Variants in TMEM131L observed in about 807,000 individuals in gnomAD.
TMEM131L encodes the protein transmembrane protein 131-like.
TMEM131L carries 54 observed loss-of-function variants against 192.2 expected under a neutral mutation model. That is an observed-to-expected ratio of 0.28 (90% CI 0.23 to 0.35). The LOEUF (loss-of-function observed/expected upper bound fraction) is 0.35, where lower values mean the gene tolerates loss of function less well. TMEM131L is among the 10% of genes least tolerant of loss of function. The pLI, the probability that TMEM131L is intolerant of heterozygous loss-of-function variation, is 1.00. For synonymous variants in TMEM131L, 701 were observed against 704.9 expected (o/e 0.99, Z 0.09); for missense variants, 1,888 against 1,972.9 (o/e 0.96, Z 0.82).
At chr4:153,586,523 T>C (rs1026321525) in intron 14 of TMEM131L, 144 bp downstream of exon 14, 1 of 513,014 alleles carries the variant, frequency 1.9e-6, no homozygotes, top group African/African-American at 2.0e-5. Context: ...CAGGCCAGTC[T>C]TGGATGATAA....
chr4:153,534,679 C>T (rs1009769925), intron 3 of TMEM131L, among the ~76,000 whole-genome samples: 10 of 152,252 alleles, frequency 6.6e-5, no homozygotes, highest in Middle Eastern at 6.8e-3. Flanking sequence ...GTGATACGCC[C>T]GCCTCGGCCT....
intron 3 of TMEM131L, among the ~76,000 whole-genome samples, chr4:153,523,488 A>G (rs189953661): frequency 6.6e-6 from 1 of 152,224 alleles, no homozygotes; most frequent in Non-Finnish European, 1.5e-5. Context: ...GTTTAGGAGG[A>G]AACTAAATCT....
chr4:153,483,420 GGCTGGGTGTGGTGGCTCATGCCTCTA>G (rs372831169), intron 3 of TMEM131L, among the ~76,000 whole-genome samples: 1,570 of 152,236 alleles, frequency 0.01, 24 homozygotes, highest in African/African-American at 0.036. Context: ...AGACTTAGGA[GGCTGGGTGTGGTGGCTCATGCCTCTA>G]GCACTTTGAG....
chr4:153,617,500 TAGTC>T (rs374848660), intron 26 of TMEM131L, among the ~76,000 whole-genome samples: 78 of 152,346 alleles, frequency 5.1e-4, no homozygotes, highest in East Asian at 3.5e-3. Flanking sequence ...TGCAAAATCT[TAGTC>T]AGTGTGATAG....
chr4:153,527,292 T>C (rs151280636), intron 3 of TMEM131L, among the ~76,000 whole-genome samples: 4 of 151,884 alleles, frequency 2.6e-5, no homozygotes, highest in Non-Finnish European at 5.9e-5. Flanking sequence ...GGGGGGGCGG[T>C]GATGAGGTCT....
intron 3 of TMEM131L, among the ~76,000 whole-genome samples, chr4:153,530,251 C>A (rs1157946583): frequency 6.6e-6 from 1 of 152,130 alleles, no homozygotes; most frequent in African/African-American, 2.4e-5. Context: ...TATACTTAAA[C>A]TGATAGTTTA....
At chr4:153,582,971 A>G (rs572463171) in intron 9 of TMEM131L, among the ~76,000 whole-genome samples, 3 of 152,100 alleles carry the variant, frequency 2.0e-5, no homozygotes, top group African/African-American at 7.2e-5. Flanking sequence ...TTAGGTTGGT[A>G]GGCATTTTTA....
intron 3 of TMEM131L, among the ~76,000 whole-genome samples, chr4:153,477,065 A>G (rs1731591950): frequency 6.6e-6 from 1 of 152,132 alleles, no homozygotes; most frequent in African/African-American, 2.4e-5. Flanking sequence ...ATGGAGGGAA[A>G]TGGAACATTT....
intron 7 of TMEM131L, among the ~76,000 whole-genome samples, chr4:153,569,057 C>G (rs1259873653): frequency 6.6e-6 from 1 of 152,308 alleles, no homozygotes; most frequent in South Asian, 2.1e-4. Context: ...CCTTCTCACC[C>G]CTTCCTACAG....
chr4:153,620,393 A>C (rs1733306268), intron 26 of TMEM131L, among the ~76,000 whole-genome samples: 1 of 152,126 alleles, frequency 6.6e-6, no homozygotes, highest in Admixed American at 6.5e-5. Context: ...TTTTTACCTA[A>C]TTTTTCTTCA....
chr4:153,510,657 C>T (rs1734289178), intron 3 of TMEM131L, among the ~76,000 whole-genome samples: 1 of 152,170 alleles, frequency 6.6e-6, no homozygotes, highest in Non-Finnish European at 1.5e-5. Context: ...GCAGGCAGAT[C>T]AGTTGAGCCC....
Position 153,636,688 on chromosome 4 carries a change from AT to A in TMEM131L, c.*113del. 1 of 1,057,296 alleles carries A rather than the reference AT, an allele frequency of 9.5e-7. No homozygotes were observed. Among genetic ancestry groups the A allele is most frequent in the South Asian group, 1.7e-5 (1 of 59,062 alleles). 65.5% of individuals were successfully genotyped at this position (1,057,296 alleles called of 1,614,324 possible). Reference sequence around the variant, plus strand: ...TTGGTGGATATTTTGGCACTTTTATATGAAAATAAATTTTTTAATGAAATCT... The same window carrying A: ...TTGGTGGATATTTTGGCACTTTTATAGAAAATAAATTTTTTAATGAAATCT... On this transcript the variant is annotated 3_prime_UTR_variant, in exon 35 of 35. Transcript: ENST00000409959.
chr4:153,510,850 GTACTCCAGCC>G (rs1734302911), intron 3 of TMEM131L, among the ~76,000 whole-genome samples: 1 of 151,490 alleles, frequency 6.6e-6, no homozygotes, highest in South Asian at 2.1e-4. Context: ...TCATGCCAGT[GTACTCCAGCC>G]TGGACAATGT....
chr4:153,484,609 C>T (rs571020721), intron 3 of TMEM131L, among the ~76,000 whole-genome samples: 12 of 150,356 alleles, frequency 8.0e-5, no homozygotes, highest in African/African-American at 2.7e-4. Context: ...GCTGGGAATA[C>T]AGGCGCCCGC....
At chr4:153,502,522 G>A (rs1270120717) in intron 3 of TMEM131L, among the ~76,000 whole-genome samples, 2 of 152,184 alleles carry the variant, frequency 1.3e-5, no homozygotes, top group Non-Finnish European at 2.9e-5. Context: ...TAACTTGTGC[G>A]TTGGTTGAAA....
At chr4:153,609,159 G>A (rs1431908678) in intron 25 of TMEM131L, among the ~76,000 whole-genome samples, 1 of 152,202 alleles carries the variant, frequency 6.6e-6, no homozygotes, top group African/African-American at 2.4e-5. Context: ...TTATAAAGAG[G>A]TTTAATTGGC....
chr4:153,628,006 G>A (rs1381130996), intron 31 of TMEM131L, among the ~76,000 whole-genome samples: 1 of 152,238 alleles, frequency 6.6e-6, no homozygotes, highest in African/African-American at 2.4e-5. Flanking sequence ...CCTAGTCAGA[G>A]ATGACAGAAA....
At chr4:153,591,629 AAG>A (rs1246501208) in intron 17 of TMEM131L, among the ~76,000 whole-genome samples, 1 of 151,998 alleles carries the variant, frequency 6.6e-6, no homozygotes, top group Non-Finnish European at 1.5e-5. Context: ...CGGTGGCGGG[AAG>A]ACTGGGCAAA....
At chr4:153,635,364 C>A in intron 33 of TMEM131L, 68 bp from the exon 34 acceptor site, 2 of 1,498,498 alleles carry the variant, frequency 1.3e-6, no homozygotes, top group Non-Finnish European at 9.2e-7. Flanking sequence ...AGCTTTTTTG[C>A]CTGAGAGTGA....
Sources: gnomAD v4.1 joint callset for allele counts (sites outside exome capture counted in the v4.1 genomes callset) on GRCh38, gnomAD v4.1.1 for gene constraint, MANE v1.5 for transcripts, NCBI Gene and HGNC (gene_info 2026-07-23, HGNC 2026-07-21) for gene names.